The following KIAA0825 variants were observed in gnomAD, a reference collection of about 807,000 sequenced individuals.
The protein encoded by KIAA0825 is KIAA0825, also known as uncharacterized protein KIAA0825.
In KIAA0825, 119 loss-of-function variants were observed where a neutral mutation model predicts 147.6. The ratio of observed to expected loss-of-function variants is 0.81; its 90% confidence interval spans 0.69 to 0.94. KIAA0825 has a LOEUF of 0.94. Among genes scored for constraint, KIAA0825 ranks in the 40% least tolerant of loss-of-function variants. KIAA0825 has a pLI of 0.00. For missense variants in KIAA0825, 1,381 were observed against 1,472.7 expected, an observed-to-expected ratio of 0.94 and a Z score of 1.02; for synonymous variants, 470 against 518.1, an observed-to-expected ratio of 0.91 and a Z score of 1.26.
chr5:94,438,435 C>G (rs1756651483), intron 14 of KIAA0825, among the ~76,000 whole-genome samples: 1 of 152,096 alleles, frequency 6.6e-6, no homozygotes, highest in Non-Finnish European at 1.5e-5. Context: ...AGTGGTTAAG[C>G]CTGAAGCTAA....
intron 20 of KIAA0825, among the ~76,000 whole-genome samples, chr5:94,322,490 T>TAGG (rs1780285500): frequency 6.6e-6 from 1 of 151,898 alleles, no homozygotes; most frequent in African/African-American, 2.4e-5. Context: ...AAACATCCTA[T>TAGG]ATGTTAGATT....
chr5:94,251,666 A>G (rs1775969319), intron 20 of KIAA0825, among the ~76,000 whole-genome samples: 1 of 152,134 alleles, frequency 6.6e-6, no homozygotes, highest in African/African-American at 2.4e-5. Context: ...TTTACATGCA[A>G]AAGTTAGTAA....
In KIAA0825 at chr5:94,189,995, C is replaced by T. The variant is rs749112692; in HGVS notation, c.3711-35871G>A. Among the ~76,000 whole-genome samples, 26 of 151,954 alleles carry T rather than the reference C, an allele frequency of 1.7e-4. 1 individual carries two copies. Among genetic ancestry groups the T allele is most frequent in the Admixed American group, 1.6e-3 (24 of 15,258 alleles). ...GCAATGTTATATAGACTTAAGTGTT[C>T]GCGTCTTGCATATCTTTTGTTATTT... On this transcript the variant is annotated intron_variant, in intron 20 of 20. Coordinates refer to ENST00000682413, the MANE Select transcript of KIAA0825 (RefSeq NM_001145678.3).
At chr5:94,521,388 T>A (rs1296836674) in intron 4 of KIAA0825, among the ~76,000 whole-genome samples, 2 of 151,794 alleles carry the variant, frequency 1.3e-5, no homozygotes, top group African/African-American at 4.8e-5. Flanking sequence ...CATACAATAC[T>A]TTAAAATCAT....
At chr5:94,536,603 A>G (rs1215972205) in intron 3 of KIAA0825, among the ~76,000 whole-genome samples, 1 of 152,236 alleles carries the variant, frequency 6.6e-6, no homozygotes, top group African/African-American at 2.4e-5. Context: ...TAAGTGAGAA[A>G]GAATCATAAA....
In KIAA0825 at chr5:94,303,346, T is replaced by C. The variant is rs147711344; in HGVS notation, c.3710+81022A>G. On this transcript the variant is annotated intron_variant, in intron 20 of 20. Transcript: ENST00000682413. ...AAAAATTTGAAAAAGTATTAAAACA[T>C]ATATTACTATATTCAGTCAAGACAA... Among the ~76,000 whole-genome samples, 450 of 152,120 alleles carry C rather than the reference T, an allele frequency of 3.0e-3. 5 individuals are homozygous for C. The highest frequency in any genetic ancestry group is 6.2e-4 in the Non-Finnish European group (42 of 67,980).
At chr5:94,154,272 C>G in intron 20 of KIAA0825, 148 bp from the exon 21 acceptor site, 2 of 636,350 alleles carry the variant, frequency 3.1e-6, no homozygotes, top group Non-Finnish European at 5.6e-6. Context: ...TTGGGTAATA[C>G]AATTCATTGG....
Position 94,151,188 on chromosome 5 carries a change from C to T in KIAA0825, c.*2819G>A, listed in dbSNP as rs886458622. ...ATCCCAGCACTTTGGGAGGCCGAGGCGGGTGGATCATGAGGTCAGGAGATC... is the reference window on the plus strand; with the variant it reads ...ATCCCAGCACTTTGGGAGGCCGAGGTGGGTGGATCATGAGGTCAGGAGATC... On this transcript the variant is annotated 3_prime_UTR_variant, in exon 21 of 21. Coordinates refer to ENST00000682413, the MANE Select transcript of KIAA0825 (RefSeq NM_001145678.3). Among the ~76,000 whole-genome samples, 3 of 151,352 alleles carry T rather than the reference C, an allele frequency of 2.0e-5. No homozygotes were observed. The highest frequency in any genetic ancestry group is 6.6e-5 in the Admixed American group (1 of 15,234).
intron 1 of KIAA0825, among the ~76,000 whole-genome samples, chr5:94,583,426 C>T (rs1218569654): frequency 6.6e-6 from 1 of 152,182 alleles, no homozygotes; most frequent in African/African-American, 2.4e-5. Context: ...CTGAGATCGA[C>T]CTGGGATGCT....
rs570525743 is a variant in KIAA0825 at position 94,318,835 on chromosome 5, C to T, written c.3710+65533G>A. Among the ~76,000 whole-genome samples, 9 of 151,948 alleles carry T rather than the reference C, an allele frequency of 5.9e-5. No individual in the cohort carries two copies. The South Asian group carries it at 1.9e-3, about 32-fold the overall frequency. On this transcript the variant is annotated intron_variant, in intron 20 of 20. Coordinates refer to ENST00000682413, the MANE Select transcript of KIAA0825 (RefSeq NM_001145678.3). ...TGAGGAAGTAGGACAGGACCAGGAA[C>T]GTTGGCATTGTGGCAGCAGCAACAG...
chr5:94,349,374 A>C (rs1296735626), intron 20 of KIAA0825, among the ~76,000 whole-genome samples: 1 of 152,184 alleles, frequency 6.6e-6, no homozygotes, highest in Non-Finnish European at 1.5e-5. Context: ...CACTGACAGC[A>C]CTGGACAGGT....
intron 20 of KIAA0825, among the ~76,000 whole-genome samples, chr5:94,266,760 T>G (rs1370130128): frequency 2.0e-5 from 3 of 152,150 alleles, no homozygotes; most frequent in African/African-American, 7.2e-5. Flanking sequence ...AAACATAACT[T>G]ATGTTAATAT....
intron 20 of KIAA0825, among the ~76,000 whole-genome samples, chr5:94,288,164 G>C (rs1188431200): frequency 1.3e-5 from 2 of 152,068 alleles, no homozygotes; most frequent in Non-Finnish European, 2.9e-5. Flanking sequence ...GAAATGGAGG[G>C]ACCTGTAGCT....
intron 20 of KIAA0825, among the ~76,000 whole-genome samples, chr5:94,280,449 A>G (rs1777407717): frequency 6.6e-6 from 1 of 152,082 alleles, no homozygotes; most frequent in Non-Finnish European, 1.5e-5. Flanking sequence ...ACTTGGCATG[A>G]CACACTCATC....
intron 5 of KIAA0825, among the ~76,000 whole-genome samples, chr5:94,494,314 C>CTTTTTTTT (rs530332272): frequency 7.2e-5 from 8 of 111,862 alleles, no homozygotes; most frequent in African/African-American, 2.0e-4. Context: ...ATATTCAATC[C>CTTTTTTTT]TTTTTTTTTT....
chr5:94,156,940 G>A (rs72771616), intron 20 of KIAA0825, among the ~76,000 whole-genome samples: 7,076 of 151,844 alleles, frequency 0.047, 364 homozygotes, highest in Admixed American at 0.15. Context: ...ATTCCATCAT[G>A]GTTTTGGGTT....
intron 2 of KIAA0825, among the ~76,000 whole-genome samples, chr5:94,580,165 G>A (rs916033926): frequency 6.6e-5 from 10 of 152,090 alleles, no homozygotes; most frequent in African/African-American, 2.4e-4. Context: ...AAGGAATGGA[G>A]TACATTAGAA....
chr5:94,358,577 T>C (rs1167543492), intron 20 of KIAA0825, among the ~76,000 whole-genome samples: 2 of 152,300 alleles, frequency 1.3e-5, no homozygotes, highest in South Asian at 4.1e-4. Flanking sequence ...TTCCTCTACA[T>C]ACATGGGGCA....
rs147261866 is a variant in KIAA0825 at position 94,514,237 on chromosome 5, T to A, written c.970+6011A>T. Among the ~76,000 whole-genome samples, 305 of 152,260 alleles carry A rather than the reference T, an allele frequency of 2.0e-3. 1 individual carries two copies. The highest frequency in any genetic ancestry group is 7.1e-3 in the African/African-American group (296 of 41,582). ...GGTATATGTAACCAGGTTACTTGCA[T>A]CTTTAGGAATAAAATGACATTCTTC... On this transcript the variant is annotated intron_variant, in intron 5 of 20. Coordinates refer to ENST00000682413, the MANE Select transcript of KIAA0825 (RefSeq NM_001145678.3).
Sources: allele counts gnomAD v4.1 joint callset (sites outside exome capture counted in the v4.1 genomes callset), GRCh38; gene constraint gnomAD v4.1.1; transcripts MANE v1.5; gene names NCBI Gene and HGNC (gene_info 2026-07-23, HGNC 2026-07-21).